The following USP15 variants were observed in gnomAD, a reference collection of about 807,000 sequenced individuals.
USP15 encodes ubiquitin specific peptidase 15, also known as ubiquitin carboxyl-terminal hydrolase 15.
USP15 carries 18 observed loss-of-function variants against 127.1 expected under a neutral mutation model. The observed-to-expected ratio is 0.14, with a 90% CI of 0.10 to 0.21. The LOEUF (loss-of-function observed/expected upper bound fraction) is 0.21. Ranked by LOEUF, USP15 falls within the 10% of genes least tolerant of loss-of-function variation. The probability of loss-of-function intolerance (pLI) is 1.00; values close to 1 mark genes in which losing one functional copy is unlikely to be tolerated. For missense variants in USP15, 805 were observed against 1,159.9 expected, an observed-to-expected ratio of 0.69 and a Z score of 4.44; for synonymous variants, 364 against 393.7, an observed-to-expected ratio of 0.92 and a Z score of 0.89.
intron 2 of USP15, among the ~76,000 whole-genome samples, chr12:62,300,433 A>G (rs2064275911): frequency 6.6e-6 from 1 of 152,182 alleles, no homozygotes; most frequent in Non-Finnish European, 1.5e-5. Context: ...TCATGTGGAA[A>G]TTCAAATGAC....
Position 62,390,865 on chromosome 12 carries a change from C to T in USP15, c.1846C>T (p.Arg616Ter). 1 of 1,601,434 alleles carries T rather than the reference C, an allele frequency of 6.2e-7. No individual in the cohort carries two copies. The highest frequency in any genetic ancestry group is 8.5e-7 in the Non-Finnish European group (1 of 1,171,554). Residue 616 changes from arginine (R) to a stop codon, truncating the protein, a stop_gained and splice_region_variant, in exon 15 of 22, where the codon CGA (arginine) becomes TGA (stop). Transcript: ENST00000280377. LOFTEE classifies it high-confidence loss of function. ...LYNLLLLRMC[R>*]YVKISTETEE... The stretch of plus-strand genomic sequence containing the variant: ...GTTTGATTTTTGATTTTACTTAAGC[C>T]GATATGTCAAAATATCTACTGAAAC...
chr12:62,334,975 C>G (rs772419410), intron 6 of USP15, among the ~76,000 whole-genome samples: 4 of 152,136 alleles, frequency 2.6e-5, no homozygotes, highest in African/African-American at 4.8e-5. Flanking sequence ...TTCCATTTGT[C>G]AGGAGTAAGG....
chr12:62,380,920 T>C (rs1417584336), intron 8 of USP15, among the ~76,000 whole-genome samples: 1 of 143,888 alleles, frequency 6.9e-6, no homozygotes, highest in Non-Finnish European at 1.5e-5. Context: ...GAGCTGGAAG[T>C]GAGAACACAC....
At chr12:62,285,151 T>C (rs1231270343) in intron 1 of USP15, among the ~76,000 whole-genome samples, 1 of 152,204 alleles carries the variant, frequency 6.6e-6, no homozygotes, top group Non-Finnish European at 1.5e-5. Context: ...GCAGTTTTGT[T>C]ACATGGATGA....
At position 62,326,240 on chromosome 12, in the gene USP15, G is replaced by A. The variant is rs77686964; in HGVS notation, c.683+307G>A. Among the ~76,000 whole-genome samples, 661 of 152,196 alleles carry A rather than the reference G, an allele frequency of 4.3e-3. 2 individuals are homozygous for A. The highest frequency in any genetic ancestry group is 8.8e-3 in the Admixed American group (135 of 15,268). On this transcript the variant is annotated intron_variant, in intron 6 of 21. Coordinates refer to ENST00000280377, the MANE Select transcript of USP15 (RefSeq NM_001252078.2). Reference sequence around the variant, plus strand: ...TTGTTTAATTTCTTGAAGCTTTTTCGTGGTTTTTAAAAGTATCTTAAAATA... The same window carrying A: ...TTGTTTAATTTCTTGAAGCTTTTTCATGGTTTTTAAAAGTATCTTAAAATA...
At chr12:62,295,944 A>C (rs528233845) in intron 2 of USP15, among the ~76,000 whole-genome samples, 1 of 152,342 alleles carries the variant, frequency 6.6e-6, no homozygotes, top group Non-Finnish European at 1.5e-5. Context: ...GCAAAAAGAG[A>C]CTATCCTGGT....
chr12:62,381,693 G>C, intron 9 of USP15, 30 bp downstream of exon 9: 2 of 1,590,238 alleles, frequency 1.3e-6, no homozygotes, highest in Non-Finnish European at 1.7e-6. Flanking sequence ...TTTAGCAAGG[G>C]TACCTGCAAG....
At chr12:62,291,204 T>C (rs2063957668) in intron 1 of USP15, among the ~76,000 whole-genome samples, 1 of 152,190 alleles carries the variant, frequency 6.6e-6, no homozygotes, top group Non-Finnish European at 1.5e-5. Flanking sequence ...CGAGAATACC[T>C]ACAATTCCTA....
intron 13 of USP15, 24 bp downstream of exon 13, chr12:62,389,723 A>C: frequency 6.2e-7 from 1 of 1,600,360 alleles, no homozygotes; most frequent in Non-Finnish European, 8.5e-7. Flanking sequence ...TCATTGTGCA[A>C]AATATTACTT....
Position 62,406,384 on chromosome 12 carries a change from AG to A in USP15, c.*2010del, listed in dbSNP as rs559041340. The A allele has an allele frequency of 2.0e-4, 30 of 152,264 alleles. No homozygotes were observed. The highest frequency in any genetic ancestry group is 6.7e-4 in the African/African-American group (28 of 41,552). The allele number at this position is 152,264 out of a possible 1,614,324, so 9.4% of individuals were successfully genotyped here. ...TAAACAAATATCCTTACCTTCACAG[AG>A]CTTACATTCTTTCTGCCATCTACCA... On this transcript the variant is annotated 3_prime_UTR_variant, in exon 22 of 22. Transcript: ENST00000280377.
chr12:62,279,284 A>G (rs2063582933), intron 1 of USP15: 1 of 152,162 alleles, frequency 6.6e-6, no homozygotes, highest in Non-Finnish European at 1.5e-5. Context: ...TTCATTTAGC[A>G]TAGTGACCTT....
chr12:62,381,014 A>C (rs917113287), intron 8 of USP15, among the ~76,000 whole-genome samples: 1 of 152,038 alleles, frequency 6.6e-6, no homozygotes, highest in African/African-American at 2.4e-5. Context: ...GACCATATGG[A>C]AGGTTTAAAG....
rs1224398178 is a variant in USP15 at position 62,358,900 on chromosome 12, G to A, written c.915+3425G>A. On this transcript the variant is annotated intron_variant, in intron 8 of 21. Transcript: ENST00000280377. Reference sequence around the variant, plus strand: ...ACACCATTTTATATCAAGAACTTGAGCATCTGTGGATTTTGGTATCCCCAA... The same window carrying A: ...ACACCATTTTATATCAAGAACTTGAACATCTGTGGATTTTGGTATCCCCAA... Among the ~76,000 whole-genome samples the A allele has an allele frequency of 2.0e-5, 3 of 152,122 alleles. No homozygotes were observed. In the South Asian group the frequency reaches 6.2e-4, roughly 32 times the overall value.
At chr12:62,362,145 T>G (rs1293307652) in intron 8 of USP15, among the ~76,000 whole-genome samples, 1 of 152,142 alleles carries the variant, frequency 6.6e-6, no homozygotes, top group Non-Finnish European at 1.5e-5. Flanking sequence ...CTAAGACAAG[T>G]TATTATGAGT....
chr12:62,266,565 T>C (rs1201738020), intron 1 of USP15, among the ~76,000 whole-genome samples: 1 of 152,166 alleles, frequency 6.6e-6, no homozygotes, highest in African/African-American at 2.4e-5. Context: ...TTAGAGTGAT[T>C]CTTCTTTTTT....
chr12:62,344,451 T>C (rs1474698793), intron 6 of USP15, among the ~76,000 whole-genome samples: 4 of 152,218 alleles, frequency 2.6e-5, no homozygotes, highest in African/African-American at 9.6e-5. Flanking sequence ...CCTGTGGCTT[T>C]GCAGGGTGTA....
intron 8 of USP15, among the ~76,000 whole-genome samples, chr12:62,362,448 A>G (rs926285169): frequency 3.9e-5 from 6 of 152,184 alleles, no homozygotes; most frequent in African/African-American, 9.6e-5. Context: ...TACTCATTCA[A>G]TGTTCAGAAT....
chr12:62,310,415 A>G (rs771230639), intron 3 of USP15, among the ~76,000 whole-genome samples: 6 of 151,652 alleles, frequency 4.0e-5, no homozygotes, highest in Admixed American at 1.3e-4. Context: ...TCTGTTATCT[A>G]TCTTTCCACT....
intron 8 of USP15, among the ~76,000 whole-genome samples, chr12:62,362,690 A>G (rs916210739): frequency 2.6e-5 from 4 of 152,156 alleles, no homozygotes; most frequent in South Asian, 4.1e-4. Context: ...TTGAAGGTCT[A>G]TTAGGTGACT....
Sources: gnomAD v4.1 joint callset for allele counts (sites outside exome capture counted in the v4.1 genomes callset) on GRCh38, gnomAD v4.1.1 for gene constraint, MANE v1.5 for transcripts, NCBI Gene and HGNC (gene_info 2026-07-23, HGNC 2026-07-21) for gene names.